Variants in TMEM263 observed in about 807,000 individuals in gnomAD.
TMEM263 encodes UPF0444 transmembrane protein C12orf23.
In TMEM263, 5 loss-of-function variants were observed where a neutral mutation model predicts 8.6. That is an observed-to-expected ratio of 0.58 (90% CI 0.31 to 1.23). The LOEUF (loss-of-function observed/expected upper bound fraction) is 1.23, where lower values mean the gene tolerates loss of function less well. Among genes scored for constraint, TMEM263 ranks in the 50% most tolerant of loss-of-function variants. The pLI is 0.07. For synonymous variants in TMEM263, 50 were observed against 47.9 expected (o/e 1.04, Z -0.18); for missense variants, 104 against 138.8 (o/e 0.75, Z 1.26).
At chr12:106,957,552 A>G (rs1450590829) in intron 2 of TMEM263, among the ~76,000 whole-genome samples, 3 of 152,118 alleles carry the variant, frequency 2.0e-5, no homozygotes, top group Non-Finnish European at 2.9e-5. Context: ...ACTGGATTAT[A>G]TATAAACATC....
intron 2 of TMEM263, among the ~76,000 whole-genome samples, chr12:106,961,980 T>TA (rs1315771379): frequency 6.6e-6 from 1 of 152,242 alleles, no homozygotes; most frequent in Non-Finnish European, 1.5e-5. Context: ...ACATAATCTT[T>TA]AAAAATATTT....
At chr12:106,959,618 G>A (rs1951742582) in intron 2 of TMEM263, among the ~76,000 whole-genome samples, 1 of 152,112 alleles carries the variant, frequency 6.6e-6, no homozygotes, top group South Asian at 2.1e-4. Flanking sequence ...GTTTTAGATT[G>A]GGGTCTATTT....
intron 2 of TMEM263, among the ~76,000 whole-genome samples, chr12:106,962,259 A>G (rs2136763289): frequency 6.8e-6 from 1 of 148,066 alleles, no homozygotes; most frequent in African/African-American, 2.5e-5. Context: ...ACTTCGGCAT[A>G]CTTTCTTCCA....
chr12:106,965,811 T>A (rs1401579915), intron 2 of TMEM263, among the ~76,000 whole-genome samples: 1 of 151,862 alleles, frequency 6.6e-6, no homozygotes, highest in Admixed American at 6.6e-5. Flanking sequence ...ATATATATAT[T>A]TTATAGTAAA....
Position 106,972,682 on chromosome 12 carries a change from TTCTTAATATGATTTAGCTGGAATTCA to T in TMEM263, c.*1293_*1318del, listed in dbSNP as rs1178854623. 1 of 152,172 alleles carries T rather than the reference TTCTTAATATGATTTAGCTGGAATTCA, an allele frequency of 6.6e-6. No homozygotes were observed. Among genetic ancestry groups the T allele is most frequent in the Non-Finnish European group, 1.5e-5 (1 of 67,988 alleles). The allele number at this position is 152,172 out of a possible 1,614,324, so 9.4% of individuals were successfully genotyped here. Reference sequence around the variant, plus strand: ...ATTAATATGTCTCATGTCTCGTTCCTTCTTAATATGATTTAGCTGGAATTCATTTTCTTTTCGTTTCATGTTTAATT... The same window carrying T: ...ATTAATATGTCTCATGTCTCGTTCCTTTTTCTTTTCGTTTCATGTTTAATT... On this transcript the variant is annotated 3_prime_UTR_variant, in exon 4 of 4. Transcript: ENST00000280756.
chr12:106,960,455 G>T (rs1199756211), intron 2 of TMEM263, among the ~76,000 whole-genome samples: 1 of 152,086 alleles, frequency 6.6e-6, no homozygotes, highest in Non-Finnish European at 1.5e-5. Flanking sequence ...GGACTCCAGA[G>T]TTGCTGCTTT....
At chr12:106,956,180 C>T (rs916929164) in intron 1 of TMEM263, 115 bp downstream of exon 1, 1 of 490,042 alleles carries the variant, frequency 2.0e-6, no homozygotes, top group Non-Finnish European at 2.7e-6. Flanking sequence ...CCTGGCTGCC[C>T]AGCGGGGCCT....
intron 2 of TMEM263, among the ~76,000 whole-genome samples, chr12:106,966,550 A>T (rs1951850361): frequency 6.6e-6 from 1 of 152,208 alleles, no homozygotes; most frequent in Non-Finnish European, 1.5e-5. Context: ...GAAATCTCCA[A>T]ACTGTTTTCC....
At chr12:106,959,886 T>C (rs1261472681) in intron 2 of TMEM263, among the ~76,000 whole-genome samples, 1 of 152,032 alleles carries the variant, frequency 6.6e-6, no homozygotes, top group Non-Finnish European at 1.5e-5. Flanking sequence ...AAATTAGGAA[T>C]TCAGGAAAAA....
At chr12:106,957,219 T>C (rs1332450605) in intron 2 of TMEM263, 70 bp downstream of exon 2, 2 of 928,182 alleles carry the variant, frequency 2.2e-6, no homozygotes, top group African/African-American at 3.6e-5. Context: ...TGTATGTGTG[T>C]GCGCGCTCGC....
chr12:106,971,420 C>A lies in TMEM263; in HGVS notation c.*29C>A. On this transcript the variant is annotated 3_prime_UTR_variant, in exon 4 of 4. Coordinates refer to ENST00000280756, the MANE Select transcript of TMEM263 (RefSeq NM_152261.4). Reference sequence around the variant, plus strand: ...ATAGAGATACACTTGCGCTCCACAGCACTGTAATGCCAGTGGCATTGAATT... The same window carrying A: ...ATAGAGATACACTTGCGCTCCACAGAACTGTAATGCCAGTGGCATTGAATT... 1 of 1,547,416 alleles carries A rather than the reference C, an allele frequency of 6.5e-7. No individual in the cohort carries two copies. Among genetic ancestry groups the A allele is most frequent in the South Asian group, 1.3e-5 (1 of 79,894 alleles).
intron 2 of TMEM263, among the ~76,000 whole-genome samples, chr12:106,964,635 C>T (rs138969603): frequency 6.6e-6 from 1 of 152,210 alleles, no homozygotes; most frequent in Non-Finnish European, 1.5e-5. Flanking sequence ...CAAACCAAAC[C>T]AGGATAAGAT....
chr12:106,964,898 G>C (rs530876212), intron 2 of TMEM263, among the ~76,000 whole-genome samples: 3 of 152,296 alleles, frequency 2.0e-5, no homozygotes, highest in Non-Finnish European at 4.4e-5. Context: ...GATTATTGAA[G>C]TTGTTTCCTA....
chr12:106,957,629 A>G (rs1413432802), intron 2 of TMEM263, among the ~76,000 whole-genome samples: 3 of 152,242 alleles, frequency 2.0e-5, no homozygotes, highest in Admixed American at 1.3e-4. Flanking sequence ...TGTTTGACAC[A>G]TAGTAGGAAT....
intron 2 of TMEM263, among the ~76,000 whole-genome samples, chr12:106,965,319 A>C (rs1374095631): frequency 6.6e-6 from 1 of 151,946 alleles, no homozygotes; most frequent in Non-Finnish European, 1.5e-5. Flanking sequence ...CTCCCCATCC[A>C]TCCTTGGCCG....
chr12:106,970,379 ATTCT>A (rs1951903068), intron 3 of TMEM263, among the ~76,000 whole-genome samples: 1 of 142,822 alleles, frequency 7.0e-6, no homozygotes, highest in African/African-American at 3.0e-5. Context: ...ATGAATAGTA[ATTCT>A]TTCAAAACAA....
intron 3 of TMEM263, among the ~76,000 whole-genome samples, chr12:106,969,315 C>G (rs1176065903): frequency 1.3e-5 from 2 of 152,278 alleles, no homozygotes; most frequent in East Asian, 1.9e-4. Context: ...GTTGGACTTA[C>G]GTACCCAGTA....
chr12:106,964,239 C>T (rs1397559141), intron 2 of TMEM263, among the ~76,000 whole-genome samples: 1 of 152,200 alleles, frequency 6.6e-6, no homozygotes, highest in East Asian at 1.9e-4. Flanking sequence ...ATAGCATTCT[C>T]ATCTTAGGGT....
intron 2 of TMEM263, among the ~76,000 whole-genome samples, chr12:106,960,617 G>T (rs1294555432): frequency 6.6e-6 from 1 of 152,052 alleles, no homozygotes; most frequent in Non-Finnish European, 1.5e-5. Flanking sequence ...TGGTGGGCGT[G>T]GGAGTGGGAG....
Sources: gnomAD v4.1 joint callset for allele counts (sites outside exome capture counted in the v4.1 genomes callset) on GRCh38, gnomAD v4.1.1 for gene constraint, MANE v1.5 for transcripts, NCBI Gene and HGNC (gene_info 2026-07-23, HGNC 2026-07-21) for gene names.